The following USP7 variants were observed in gnomAD, a reference collection of about 807,000 sequenced individuals.
The protein encoded by USP7 is ubiquitin specific peptidase 7.
In USP7, 9 loss-of-function variants were observed where a neutral mutation model predicts 162.9. The ratio of observed to expected loss-of-function variants is 0.06; its 90% CI spans 0.03 to 0.10. The LOEUF (loss-of-function observed/expected upper bound fraction) is 0.10. Ranked by LOEUF, USP7 falls within the 10% of genes least tolerant of loss-of-function variation. USP7 has a pLI of 1.00. For missense variants in USP7, 715 were observed against 1,373.7 expected (o/e 0.52, Z 7.58); for synonymous variants, 562 against 475.9 (o/e 1.18, Z -2.35).
rs1273038780 is a variant in USP7 at position 8,902,044 on chromosome 16, C to A, written c.2047+38G>T. 4.5e-6 allele frequency: 7 copies of A among 1,540,470 alleles called. No individual in the cohort carries two copies. In the Admixed American group the frequency reaches 1.2e-4, roughly 26 times the overall value. On this transcript the variant is annotated intron_variant, in intron 18 of 30. Coordinates refer to ENST00000344836, the MANE Select transcript of USP7 (RefSeq NM_003470.3). The stretch of plus-strand genomic sequence containing the variant: ...ACAACAATCCAGGAATCCAACGCTA[C>A]TGCTCTAAGTGCAGGCAGGCGTCTC...
chr16:8,936,581 A>G (rs752244531), intron 1 of USP7: 1 of 1,540,462 alleles, frequency 6.5e-7, no homozygotes, highest in Non-Finnish European at 8.7e-7. Flanking sequence ...AACCTGACTC[A>G]CCTTCCAGCC....
At chr16:8,917,001 G>T in intron 7 of USP7, 25 bp downstream of exon 7, 1 of 1,528,944 alleles carries the variant, frequency 6.5e-7, no homozygotes, top group South Asian at 1.3e-5. Context: ...AAGCAGAATG[G>T]CAAAGGCAGA....
In USP7 at chr16:8,936,609, G is replaced by A. The variant is rs370461743; in HGVS notation, c.80-6212C>T. On this transcript the variant is annotated intron_variant, in intron 1 of 30. Coordinates refer to ENST00000344836, the MANE Select transcript of USP7 (RefSeq NM_003470.3). ...TTCCAGCCCAAGCCTGTGGTTCCCA[G>A]CCATCTCTGCATGGCTCTGCAGTGG... 94 of 1,557,832 alleles carry A rather than the reference G, an allele frequency of 6.0e-5. No homozygotes were observed. The East Asian group carries it at 1.3e-3, about 21-fold the overall frequency.
At chr16:8,897,216 T>C (rs900385411) in intron 25 of USP7, 117 bp from the exon 26 acceptor site, 2 of 781,026 alleles carry the variant, frequency 2.6e-6, no homozygotes, top group African/African-American at 1.7e-5. Flanking sequence ...CTGGCCCCCA[T>C]GTTCTTGCTC....
Position 8,894,853 on chromosome 16 carries a change from G to T in USP7, c.3042C>A (p.Gly1014=). The change falls in exon 29 of 31, where the codon GGC becomes GGA. Residue 1014 remains glycine (G), a splice_region_variant and synonymous_variant. Transcript: ENST00000344836. ...GIPFLLRIHQ[G]EHFREVMKRI... ...GCTTCATCACTTCTCGAAAATGCTC[G>T]CCCTAGAATGGCAAAGGACATGTGC... The T allele has an allele frequency of 6.2e-7, 1 of 1,614,132 alleles. No individual in the cohort carries two copies. Among genetic ancestry groups the T allele is most frequent in the African/African-American group, 1.3e-5 (1 of 75,032 alleles).
In USP7 at chr16:8,906,439, T is replaced by C. The variant is rs1386022252; in HGVS notation, c.1415A>G (p.Lys472Arg). 6.2e-7 allele frequency: 1 copy of C among 1,611,946 alleles called. No individual in the cohort carries two copies. The highest frequency in any genetic ancestry group is 8.5e-7 in the Non-Finnish European group (1 of 1,179,938). Residue 472 changes from lysine (K) to arginine (R), a missense_variant, in exon 13 of 31, where the codon AAA (lysine) becomes AGA (arginine). By Grantham distance (26) the Lys-to-Arg change is conservative. This residue lies in a region of USP7 where 31 missense variants were observed against 135.9 expected (regional missense o/e 0.23). Coordinates refer to ENST00000344836, the MANE Select transcript of USP7 (RefSeq NM_003470.3). ...CCCACCACTTACTTTGCCATCCCCT[T>C]TGGGGTTTAGATAAACCACATAATG... ...GGHYVVYLNP[K>R]GDGKWCKFDD...
At chr16:8,905,907 C>T (rs1040417863) in intron 13 of USP7, among the ~76,000 whole-genome samples, 1 of 152,182 alleles carries the variant, frequency 6.6e-6, no homozygotes, top group Non-Finnish European at 1.5e-5. Flanking sequence ...CTCGTGCTGT[C>T]GGGTCCCTCC....
chr16:8,955,225 A>T (rs1263317729), intron 1 of USP7, among the ~76,000 whole-genome samples: 1 of 152,164 alleles, frequency 6.6e-6, no homozygotes, highest in Non-Finnish European at 1.5e-5. Context: ...GTTTTTTTAC[A>T]TATTAATCTG....
chr16:8,895,524 C>A, intron 27 of USP7, 118 bp downstream of exon 27: 2 of 911,352 alleles, frequency 2.2e-6, no homozygotes, highest in South Asian at 1.5e-5. Context: ...TCATATACCT[C>A]GATTACTGGT....
intron 2 of USP7, among the ~76,000 whole-genome samples, chr16:8,926,679 G>A (rs1327881155): frequency 6.6e-6 from 1 of 152,192 alleles, no homozygotes; most frequent in African/African-American, 2.4e-5. Flanking sequence ...AGTATGCTAG[G>A]TATTAGCAAG....
intron 21 of USP7, 109 bp from the exon 22 acceptor site, chr16:8,899,866 A>G: frequency 7.4e-7 from 1 of 1,348,522 alleles, no homozygotes; most frequent in South Asian, 1.2e-5. Flanking sequence ...GCTCTCTTGC[A>G]AGATAAATTC....
rs776421304 is a variant in USP7, at chr16:8,895,632, G to C, written c.2919+10C>G. The C allele has an allele frequency of 1.2e-6, 2 of 1,606,410 alleles. No individual in the cohort carries two copies. Among genetic ancestry groups the C allele is most frequent in the African/African-American group, 2.7e-5 (2 of 74,660 alleles). ...TTCTCTCTGGTGCCAACAGTATCGG[G>C]GACAGATACCTCTATTCGAAACGTC... On this transcript the variant is annotated intron_variant, in intron 27 of 30. Coordinates refer to ENST00000344836, the MANE Select transcript of USP7 (RefSeq NM_003470.3).
At chr16:8,935,447 G>A (rs1029039176) in intron 1 of USP7, among the ~76,000 whole-genome samples, 1 of 152,194 alleles carries the variant, frequency 6.6e-6, no homozygotes, top group African/African-American at 2.4e-5. Context: ...CTGACCTCAG[G>A]TGATCTGCGC....
intron 10 of USP7, among the ~76,000 whole-genome samples, chr16:8,911,989 C>T (rs1454864378): frequency 6.6e-6 from 1 of 152,148 alleles, no homozygotes; most frequent in Non-Finnish European, 1.5e-5. Flanking sequence ...ACAGGTTATC[C>T]CTCAAGTAAA....
chr16:8,955,609 G>A (rs1427789546), intron 1 of USP7, among the ~76,000 whole-genome samples: 1 of 150,162 alleles, frequency 6.7e-6, no homozygotes, highest in Non-Finnish European at 1.5e-5. Flanking sequence ...GGGAGGCTGA[G>A]GCAGGGGAAT....
chr16:8,908,327 C>A lies in USP7; in HGVS notation c.1271+14G>T. On this transcript the variant is annotated intron_variant, in intron 12 of 30. Transcript: ENST00000344836. ...GATGATGAAATCTTAACTTTATATC[C>A]CACTATAGATTACCTATCATTGATC... The A allele has an allele frequency of 6.3e-7, 1 of 1,595,236 alleles. No homozygotes were observed. The highest frequency in any genetic ancestry group is 1.1e-5 in the South Asian group (1 of 90,674).
intron 25 of USP7, 80 bp downstream of exon 25, chr16:8,898,280 G>T: frequency 8.2e-7 from 1 of 1,217,586 alleles, no homozygotes; most frequent in Non-Finnish European, 1.2e-6. Context: ...TGGTGTCTTA[G>T]TTTTCAATGT....
In USP7 at chr16:8,892,612, A is replaced by T. The variant is rs1227807221; in HGVS notation, c.*1386T>A. On this transcript the variant is annotated 3_prime_UTR_variant, in exon 31 of 31. Coordinates refer to ENST00000344836, the MANE Select transcript of USP7 (RefSeq NM_003470.3). ...AATGTGACTAGTTAGAGGCTAAAAA[A>T]AAAAAAAAAAAAAAAAAGAAACAAG... 3.1e-5 allele frequency: 1 copy of T among 32,562 alleles called. No homozygotes were observed. Among genetic ancestry groups the T allele is most frequent in the Admixed American group, 2.7e-4 (1 of 3,732 alleles). 2.0% of individuals were successfully genotyped at this position (32,562 alleles called of 1,614,324 possible).
At chr16:8,926,256 T>C (rs1184412648) in intron 2 of USP7, among the ~76,000 whole-genome samples, 1 of 151,882 alleles carries the variant, frequency 6.6e-6, no homozygotes, top group Non-Finnish European at 1.5e-5. Context: ...GGCGGGCGGA[T>C]AACCTGAGGT....
Sources: gnomAD v4.1 joint callset for allele counts (sites outside exome capture counted in the v4.1 genomes callset) on GRCh38, gnomAD v4.1.1 for gene constraint, gnomAD v4.1.1 regional missense constraint, MANE v1.5 for transcripts, NCBI Gene and HGNC (gene_info 2026-07-23, HGNC 2026-07-21) for gene names.